The following TEX9 variants were observed in gnomAD, a reference collection of about 807,000 sequenced individuals.
The protein encoded by TEX9 is testis expressed 9, also known as testis-expressed protein 9.
TEX9 carries 74 observed loss-of-function variants against 59.6 expected under a neutral mutation model. The ratio of observed to expected loss-of-function variants is 1.24; its 90% confidence interval spans 1.03 to 1.51. The LOEUF (loss-of-function observed/expected upper bound fraction) is 1.51. TEX9 is among the 40% of genes most tolerant of loss of function. The probability of loss-of-function intolerance (pLI) is 0.00; values close to 1 mark genes in which losing one functional copy is unlikely to be tolerated. For missense variants in TEX9, 522 were observed against 447.8 expected (o/e 1.17, Z -1.49); for synonymous variants, 186 against 152.2 (o/e 1.22, Z -1.64).
At chr15:56,319,811 A>G (rs1351754868) in intron 1 of TEX9, among the ~76,000 whole-genome samples, 1 of 152,186 alleles carries the variant, frequency 6.6e-6, no homozygotes, top group Non-Finnish European at 1.5e-5. Context: ...TATCTTTCAG[A>G]TGGGGGGAAG....
At chr15:56,250,326 G>T (rs1596041779) in intron 1 of TEX9, among the ~76,000 whole-genome samples, 1 of 152,190 alleles carries the variant, frequency 6.6e-6, no homozygotes, top group South Asian at 2.1e-4. Context: ...AGTTAAAAGT[G>T]GCGTGGAGGA....
chr15:56,285,150 G>A (rs1247992869), intron 1 of TEX9, among the ~76,000 whole-genome samples: 1 of 152,044 alleles, frequency 6.6e-6, no homozygotes, highest in South Asian at 2.1e-4. Flanking sequence ...TTTGCCTGCA[G>A]TACATCCTCT....
intron 1 of TEX9, among the ~76,000 whole-genome samples, chr15:56,329,780 G>A (rs769196686): frequency 3.3e-5 from 5 of 152,040 alleles, no homozygotes; most frequent in Admixed American, 6.6e-5. Context: ...AAACAATGAA[G>A]CAAGCCTACA....
At chr15:56,291,049 TGTG>T (rs1416700226) in intron 1 of TEX9, among the ~76,000 whole-genome samples, 2 of 152,202 alleles carry the variant, frequency 1.3e-5, no homozygotes, top group Admixed American at 6.5e-5. Context: ...ATTTTGCACA[TGTG>T]GTGAATGTAA....
chr15:56,365,390 T>A (rs1386672932), upstream of TEX9: 4 of 1,581,314 alleles, frequency 2.5e-6, no homozygotes, highest in Admixed American at 7.1e-5. Context: ...GCAACCGGGA[T>A]GTGGAAACTC....
chr15:56,382,709 T>G (rs1354507551), intron 3 of TEX9, among the ~76,000 whole-genome samples: 1 of 152,200 alleles, frequency 6.6e-6, no homozygotes, highest in Non-Finnish European at 1.5e-5. Context: ...GGCACCCTGT[T>G]GGCTGTCTTC....
Position 56,394,104 on chromosome 15 carries a change from T to C in TEX9, c.572-61T>C, listed in dbSNP as rs2048341733. 5 of 1,471,720 alleles carry C rather than the reference T, an allele frequency of 3.4e-6. No homozygotes were observed. The South Asian group carries it at 6.1e-5, about 18-fold the overall frequency. 91.2% of individuals were successfully genotyped at this position (1,471,720 alleles called of 1,614,324 possible). ...TTCTTTATAAAGTAATGGTCTGTCT[T>C]ACAATTGATGTCATCTTAGATTCAG... On this transcript the variant is annotated intron_variant, in intron 7 of 12. Transcript: ENST00000352903.
upstream of TEX9, among the ~76,000 whole-genome samples, chr15:56,360,641 C>T (rs191053314): frequency 7.8e-4 from 118 of 152,156 alleles, no homozygotes; most frequent in Non-Finnish European, 1.5e-3. Flanking sequence ...AAAATCCTTT[C>T]TGGCTTGGGA....
chr15:56,353,664 A>G (rs2046628362), intron 1 of TEX9, among the ~76,000 whole-genome samples: 1 of 152,268 alleles, frequency 6.6e-6, no homozygotes, highest in Non-Finnish European at 1.5e-5. Flanking sequence ...AAGAGATGAT[A>G]TGGTAAAAAT....
intron 1 of TEX9, among the ~76,000 whole-genome samples, chr15:56,263,197 A>AT (rs547135611): frequency 1.3e-5 from 2 of 151,978 alleles, no homozygotes; most frequent in Non-Finnish European, 2.9e-5. Context: ...CTAATTTTGT[A>AT]TTTTTAGTAG....
At chr15:56,308,164 C>G (rs1427102945) in intron 1 of TEX9, among the ~76,000 whole-genome samples, 3 of 152,162 alleles carry the variant, frequency 2.0e-5, no homozygotes, top group African/African-American at 7.2e-5. Context: ...TTTTCCAAAG[C>G]AGCTGCACTA....
intron 12 of TEX9, chr15:56,431,496 T>C (rs764543344): frequency 1.9e-6 from 3 of 1,613,622 alleles, no homozygotes; most frequent in South Asian, 2.2e-5. Flanking sequence ...CTAGTTCACG[T>C]TGCTGGAAAT....
chr15:56,431,276 G>C, intron 12 of TEX9: 7 of 1,425,188 alleles, frequency 4.9e-6, no homozygotes, highest in Non-Finnish European at 5.7e-6. Context: ...AACCGAGCAA[G>C]AAGTGAGCAA....
At chr15:56,385,399 T>TA (rs1418736197) in intron 4 of TEX9, among the ~76,000 whole-genome samples, 2 of 152,124 alleles carry the variant, frequency 1.3e-5, no homozygotes, top group Non-Finnish European at 2.9e-5. Context: ...TGACTACTGA[T>TA]ACAATTTTTC....
chr15:56,459,005 A>AT, the TEX9 span, among the ~76,000 whole-genome samples: 1 of 152,242 alleles, frequency 6.6e-6, no homozygotes, highest in Non-Finnish European at 1.5e-5. Flanking sequence ...CACACTATAT[A>AT]TAGCACATCT....
At chr15:56,365,352 T>C (rs1260217954), upstream of TEX9, 16 of 1,461,500 alleles carry the variant, frequency 1.1e-5, no homozygotes, top group African/African-American at 1.1e-4. Flanking sequence ...AACCTGAGAG[T>C]GGGAAGGCGT....
intron 1 of TEX9, among the ~76,000 whole-genome samples, chr15:56,256,496 G>T (rs2044148010): frequency 6.6e-6 from 1 of 151,694 alleles, no homozygotes; most frequent in African/African-American, 2.4e-5. Flanking sequence ...AAAAGCTAGT[G>T]AAAAAAATAC....
chr15:56,442,186 C>T (rs2050827395), intron 12 of TEX9, among the ~76,000 whole-genome samples: 1 of 152,030 alleles, frequency 6.6e-6, no homozygotes, highest in African/African-American at 2.4e-5. Context: ...CAATGAGATA[C>T]TATCTCACAT....
At chr15:56,316,096 A>T (rs1300722125) in intron 1 of TEX9, among the ~76,000 whole-genome samples, 1 of 147,662 alleles carries the variant, frequency 6.8e-6, no homozygotes, top group African/African-American at 2.4e-5. Context: ...TTTGGTTTGA[A>T]TATCCTCCCG....
Sources: gnomAD v4.1 joint callset for allele counts (sites outside exome capture counted in the v4.1 genomes callset) on GRCh38, gnomAD v4.1.1 for gene constraint, MANE v1.5 for transcripts, NCBI Gene and HGNC (gene_info 2026-07-23, HGNC 2026-07-21) for gene names.